CACNA1C: variants seen among roughly 807,000 people sequenced by gnomAD.
The protein encoded by CACNA1C is calcium voltage-gated channel subunit alpha1 C.
CACNA1C carries 30 observed loss-of-function variants against 229.0 expected under a neutral mutation model. The observed-to-expected ratio is 0.13, with a 90% CI of 0.10 to 0.18. The LOEUF (loss-of-function observed/expected upper bound fraction) is 0.18. Ranked by LOEUF, CACNA1C falls within the 10% of genes least tolerant of loss-of-function variation. CACNA1C has a pLI of 1.00. For missense variants in CACNA1C, 1,658 were observed against 2,845.0 expected (o/e 0.58, Z 9.49); for synonymous variants, 1,114 against 1,132.5 (o/e 0.98, Z 0.33).
In CACNA1C at chr12:1,994,703, G is replaced by C. The variant is rs370186026; in HGVS notation, c.139+23502G>C. Among the ~76,000 whole-genome samples, 14 of 152,312 alleles carry C rather than the reference G, an allele frequency of 9.2e-5. 1 individual carries two copies. The South Asian group carries it at 2.9e-3, about 32-fold the overall frequency. ...TAAATGATTTTTTAAATGGGATTAA[G>C]TGTTTTCATACAAGAATGAGAATTT... On this transcript the variant is annotated intron_variant, in intron 1 of 46. Transcript: ENST00000682462.
At chr12:2,314,010 G>T (rs1472026130) in intron 3 of CACNA1C, among the ~76,000 whole-genome samples, 4 of 152,172 alleles carry the variant, frequency 2.6e-5, no homozygotes, top group Non-Finnish European at 5.9e-5. Flanking sequence ...GTGGGCACAG[G>T]GCACACGGCC....
In CACNA1C at chr12:2,685,848, T is replaced by C. The variant is rs1175926900; in HGVS notation, c.5680+6T>C. The C allele has an allele frequency of 6.3e-7, 1 of 1,596,440 alleles. No homozygotes were observed. Among genetic ancestry groups the C allele is most frequent in the African/African-American group, 1.3e-5 (1 of 74,574 alleles). Reference sequence around the variant, plus strand: ...CCTCCGCTCTGCCTCACTAGGTAAATGCACCGCTCGCTCTCTGGATGTGGT... The same window carrying C: ...CCTCCGCTCTGCCTCACTAGGTAAACGCACCGCTCGCTCTCTGGATGTGGT... On this transcript the variant is annotated splice_donor_region_variant and intron_variant, in intron 44 of 46. Coordinates refer to ENST00000399655, the MANE Select transcript of CACNA1C (RefSeq NM_000719.7).
intron 3 of CACNA1C, among the ~76,000 whole-genome samples, chr12:2,373,236 C>T (rs1298910679): frequency 6.6e-6 from 1 of 152,086 alleles, no homozygotes; most frequent in African/African-American, 2.4e-5. Flanking sequence ...TACTTGTCAC[C>T]CCTCATTCAT....
intron 1 of CACNA1C, among the ~76,000 whole-genome samples, chr12:2,004,970 AAAC>A (rs2043114357): frequency 6.0e-5 from 9 of 148,864 alleles, no homozygotes; most frequent in African/African-American, 5.0e-5. Flanking sequence ...GTCAAAAAAA[AAAC>A]AAAACCTTTT....
At chr12:2,663,688 C>A (rs1373398974) in intron 34 of CACNA1C, among the ~76,000 whole-genome samples, 2 of 151,198 alleles carry the variant, frequency 1.3e-5, no homozygotes, top group South Asian at 2.1e-4. Flanking sequence ...ACCACCTGTT[C>A]CCAAAAAACT....
At chr12:2,043,137 G>C (rs1338275670) in intron 1 of CACNA1C, among the ~76,000 whole-genome samples, 2 of 152,168 alleles carry the variant, frequency 1.3e-5, no homozygotes, top group African/African-American at 4.8e-5. Flanking sequence ...GTTACAGCCT[G>C]CCCTCCTATG....
In CACNA1C at chr12:2,467,824, G is replaced by A. The variant is rs1357107241; in HGVS notation, c.757+10118G>A. Among the ~76,000 whole-genome samples, 1 of 152,196 alleles carries A rather than the reference G, an allele frequency of 6.6e-6. No homozygotes were observed. Among genetic ancestry groups the A allele is most frequent in the African/African-American group, 2.4e-5 (1 of 41,448 alleles). ...CCCAGGTGCCCCTGAAAGACGCCTG[G>A]GCCAGCAGCTCAAGGCCCACTCAGA... On this transcript the variant is annotated intron_variant, in intron 5 of 46. Transcript: ENST00000399655. This position sits in a 1 kb window ranked among gnomAD's most constrained non-coding sequence, Gnocchi z 4.6.
rs1487382756 is a variant in CACNA1C, at chr12:1,981,705, C to A, written c.139+10504C>A. ...AGTGCTCAATAACAAATGAGCAAAGCAAATATAAGTACAACATAAAAGACA... is the reference window on the plus strand; with the variant it reads ...AGTGCTCAATAACAAATGAGCAAAGAAAATATAAGTACAACATAAAAGACA... On this transcript the variant is annotated intron_variant, in intron 1 of 46. Coordinates refer to the CACNA1C transcript ENST00000682462. Among the ~76,000 whole-genome samples the A allele has an allele frequency of 3.4e-4, 51 of 152,042 alleles. 1 individual carries two copies.
Position 2,479,950 on chromosome 12 carries a change from G to A in CACNA1C, c.758-6154G>A, listed in dbSNP as rs529031551. Among the ~76,000 whole-genome samples, 13 of 152,314 alleles carry A rather than the reference G, an allele frequency of 8.5e-5. No individual in the cohort carries two copies. Among genetic ancestry groups the A allele is most frequent in the African/African-American group, 2.9e-4 (12 of 41,562 alleles). ...TAAGATTGCCCCAGTAAAGCCAGCAGAGTAGAGGACCCCTGGCCTAATGCT... is the reference window on the plus strand; with the variant it reads ...TAAGATTGCCCCAGTAAAGCCAGCAAAGTAGAGGACCCCTGGCCTAATGCT... On this transcript the variant is annotated intron_variant, in intron 5 of 46. Coordinates refer to ENST00000399655, the MANE Select transcript of CACNA1C (RefSeq NM_000719.7). The surrounding 1 kb of genome is among the most constrained non-coding windows in gnomAD (Gnocchi z 4.3).
intron 3 of CACNA1C, among the ~76,000 whole-genome samples, chr12:2,168,472 A>AC: frequency 6.6e-6 from 1 of 152,282 alleles, no homozygotes; most frequent in African/African-American, 2.4e-5. Context: ...TTTGCAGAGC[A>AC]CTATACACAG....
intron 4 of CACNA1C, among the ~76,000 whole-genome samples, chr12:2,453,254 C>T (rs2099395141): frequency 6.6e-6 from 1 of 152,166 alleles, no homozygotes; most frequent in South Asian, 2.1e-4. Flanking sequence ...CCCTGCCTGG[C>T]CCTGAACTTC....
intron 3 of CACNA1C, among the ~76,000 whole-genome samples, chr12:2,344,186 T>A (rs894334573): frequency 1.3e-5 from 2 of 152,194 alleles, no homozygotes; most frequent in African/African-American, 4.8e-5. Flanking sequence ...TCACACATCA[T>A]GCTTTTAAGG....
chr12:2,385,148 GGAAGTTAAGAAA>G (rs2154546722), intron 3 of CACNA1C, among the ~76,000 whole-genome samples: 1 of 152,266 alleles, frequency 6.6e-6, no homozygotes, highest in African/African-American at 2.4e-5. Context: ...GAGTCACCGG[GGAAGTTAAGAAA>G]GTGAAAACAT....
chr12:2,148,173 C>A (rs2154208319), intron 3 of CACNA1C, among the ~76,000 whole-genome samples: 1 of 151,310 alleles, frequency 6.6e-6, no homozygotes, highest in Non-Finnish European at 1.5e-5. Context: ...TGCAGCAAAC[C>A]AATCATCCAC....
In CACNA1C at chr12:2,019,097, C is replaced by T. The variant is rs185124577; in HGVS notation, c.139+47896C>T. Among the ~76,000 whole-genome samples the T allele has an allele frequency of 4.9e-3, 739 of 152,134 alleles. 1 individual carries two copies. Among genetic ancestry groups the T allele is most frequent in the Non-Finnish European group, 9.1e-3 (622 of 67,996 alleles). ...TGAGTTACATCTTTGGCTCTGAACT[C>T]GGTGAGTCTATGGTTTGATAGGTTG... is the stretch of plus-strand genomic sequence containing the variant. On this transcript the variant is annotated intron_variant, in intron 1 of 46. Coordinates refer to the CACNA1C transcript ENST00000682462.
chr12:2,190,366 TC>T (rs1452671731), intron 3 of CACNA1C, among the ~76,000 whole-genome samples: 2 of 152,194 alleles, frequency 1.3e-5, no homozygotes, highest in Non-Finnish European at 2.9e-5. Flanking sequence ...GCTTTGCTCA[TC>T]CCCGCCCCGC....
At chr12:2,640,359 C>T (rs1350948183) in intron 30 of CACNA1C, among the ~76,000 whole-genome samples, 6 of 152,196 alleles carry the variant, frequency 3.9e-5, no homozygotes, top group Non-Finnish European at 7.3e-5. Context: ...TCATTCAGTG[C>T]CTCCTGGCAA....
In CACNA1C at chr12:2,627,863, G is replaced by A. The variant is rs74053898; in HGVS notation, c.3829-6434G>A. Among the ~76,000 whole-genome samples, 1,249 of 152,236 alleles carry A rather than the reference G, an allele frequency of 8.2e-3. 12 individuals carry two copies. Among genetic ancestry groups the A allele is most frequent in the African/African-American group, 0.029 (1,189 of 41,532 alleles). On this transcript the variant is annotated intron_variant, in intron 29 of 46. Transcript: ENST00000399655. The stretch of plus-strand genomic sequence containing the variant: ...GCAGCCCCTCCAGCCAGCACGCTCC[G>A]TGACCCATGTGTCCTAGGAGGGGAA...
intron 1 of CACNA1C, among the ~76,000 whole-genome samples, chr12:2,009,244 A>C (rs2043985257): frequency 6.6e-6 from 1 of 152,200 alleles, no homozygotes; most frequent in African/African-American, 2.4e-5. Flanking sequence ...GTAGAATGAT[A>C]AAAAAATAAT....
Sources: allele counts gnomAD v4.1 joint callset (sites outside exome capture counted in the v4.1 genomes callset), GRCh38; gene constraint gnomAD v4.1.1; non-coding constraint Gnocchi (gnomAD v3.1); transcripts MANE v1.5; gene names NCBI Gene and HGNC (gene_info 2026-07-23, HGNC 2026-07-21).